LRRK1: variants seen among roughly 807,000 people sequenced by gnomAD.
LRRK1 encodes leucine-rich repeat serine/threonine-protein kinase 1.
LRRK1 carries 113 observed loss-of-function variants against 209.1 expected under a neutral mutation model. The ratio of observed to expected loss-of-function variants is 0.54; its 90% CI spans 0.46 to 0.63. The LOEUF (loss-of-function observed/expected upper bound fraction) is 0.63, where lower values mean the gene tolerates loss of function less well. Ranked by LOEUF, LRRK1 falls within the 30% of genes least tolerant of loss-of-function variation. The pLI is 0.00. For missense variants in LRRK1, 2,284 were observed against 2,632.2 expected (o/e 0.87, Z 2.89); for synonymous variants, 1,144 against 1,099.7 (o/e 1.04, Z -0.80).
In LRRK1 at chr15:101,008,901, T is replaced by G. The variant is rs199863201; in HGVS notation, c.827T>G (p.Ile276Ser). ...PWVDLDWLIDISCQITELDLS... is the reference protein window; with the variant it reads ...PWVDLDWLIDSSCQITELDLS... ...GTAGACCTAGACTGGCTCATAGACA[T>G]CTCCTGCCAGATCACGGAGCTCGAC... The change falls in exon 7 of 34, where the codon ATC (isoleucine) becomes AGC (serine). Residue 276 changes from isoleucine to serine, a missense_variant. Around this residue, in one of 6 missense-constraint regions of LRRK1, gnomAD observed 494 missense variants for 522.1 expected, o/e 0.95. Transcript: ENST00000388948. 1 of 1,614,116 alleles carries G rather than the reference T, an allele frequency of 6.2e-7. No homozygotes were observed. Among genetic ancestry groups the G allele is most frequent in the African/African-American group, 1.3e-5 (1 of 75,026 alleles).
In LRRK1 at chr15:101,074,432, CAGAT is replaced by C. The variant is rs2036911270; in HGVS notation, c.*5587_*5590del. The C allele has an allele frequency of 6.6e-6, 1 of 152,194 alleles. No homozygotes were observed. The highest frequency in any genetic ancestry group is 2.4e-5 in the African/African-American group (1 of 41,432). The allele number at this position is 152,194 out of a possible 1,614,324, so 9.4% of individuals were successfully genotyped here. A position where few individuals can be genotyped will look rare whatever the true frequency, so the allele number is the denominator to read the frequency against. On this transcript the variant is annotated 3_prime_UTR_variant, in exon 34 of 34. Coordinates refer to ENST00000388948, the MANE Select transcript of LRRK1 (RefSeq NM_024652.6). ...ATGCTCCTTTTTCTTTATCCCAAAT[CAGAT>C]AGCGTTTAGGCTCTTTTTCATCAAA...
At chr15:101,067,124 C>G (rs2036575264) in intron 33 of LRRK1, 5 of 386,548 alleles carry the variant, frequency 1.3e-5, no homozygotes, top group South Asian at 9.6e-5. Context: ...CACACAGCAC[C>G]CTATGGGGAC....
chr15:100,981,807 A>T (rs1488093835), intron 3 of LRRK1, among the ~76,000 whole-genome samples: 1 of 152,236 alleles, frequency 6.6e-6, no homozygotes, highest in Non-Finnish European at 1.5e-5. Context: ...GAGAGCTTTG[A>T]TAAATGTTCA....
chr15:100,959,605 C>G (rs1417979363), intron 2 of LRRK1, among the ~76,000 whole-genome samples: 1 of 152,204 alleles, frequency 6.6e-6, no homozygotes, highest in Non-Finnish European at 1.5e-5. Context: ...GGCAGCCTCA[C>G]AGGCACCTGG....
rs1596204665 is a variant in LRRK1, at chr15:100,962,814, T to TATATACAC, written c.98-10985_98-10984insCACATATA. On this transcript the variant is annotated intron_variant, in intron 2 of 33. Transcript: ENST00000388948. The stretch of plus-strand genomic sequence containing the variant: ...TTTTGCATATATATATATATATATA[T>TATATACAC]ATATATATATTTTTTTTTTTTTTTT... 2.7e-4 allele frequency among the ~76,000 whole-genome samples: 9 copies of TATATACAC among 33,914 alleles called. 1 individual carries two copies. The highest frequency in any genetic ancestry group is 5.3e-4 in the Non-Finnish European group (8 of 15,202). 22.2% of individuals were successfully genotyped at this position (33,914 alleles called of 152,430 possible). A position where few individuals can be genotyped will look rare whatever the true frequency, so the allele number is the denominator to read the frequency against.
intron 21 of LRRK1, among the ~76,000 whole-genome samples, chr15:101,046,879 G>A (rs969080555): frequency 3.3e-5 from 5 of 152,206 alleles, no homozygotes; most frequent in African/African-American, 1.2e-4. Context: ...TTAATTTCAT[G>A]CAGGGCAGGA....
At chr15:100,973,049 G>A (rs1041892307) in intron 2 of LRRK1, among the ~76,000 whole-genome samples, 7 of 152,328 alleles carry the variant, frequency 4.6e-5, no homozygotes, top group Non-Finnish European at 1.0e-4. Flanking sequence ...CTCGGGGAGG[G>A]CGAGAGGCCG....
intron 2 of LRRK1, among the ~76,000 whole-genome samples, chr15:100,949,670 G>A (rs952432323): frequency 1.3e-5 from 2 of 151,982 alleles, no homozygotes; most frequent in African/African-American, 2.4e-5. Context: ...AGGATTATAC[G>A]CCATGACCAA....
chr15:100,960,514 G>A (rs1284158133), intron 2 of LRRK1, among the ~76,000 whole-genome samples: 1 of 152,086 alleles, frequency 6.6e-6, no homozygotes, highest in Non-Finnish European at 1.5e-5. Flanking sequence ...CTATTTATGT[G>A]ATTTTTAATT....
At chr15:100,941,260 CTGTG>C (rs1491343908) in intron 2 of LRRK1, among the ~76,000 whole-genome samples, 1 of 72,060 alleles carries the variant, frequency 1.4e-5, no homozygotes, top group African/African-American at 6.5e-5. Flanking sequence ...GTGTGTGTGT[CTGTG>C]TCTCTGTGTG....
chr15:101,018,283 G>C (rs1256509250), intron 12 of LRRK1, among the ~76,000 whole-genome samples: 1 of 151,946 alleles, frequency 6.6e-6, no homozygotes, highest in Non-Finnish European at 1.5e-5. Flanking sequence ...CAAATGAAAA[G>C]GTCCTTAACC....
chr15:100,930,779 C>T (rs1052279141), intron 2 of LRRK1, among the ~76,000 whole-genome samples: 2 of 152,360 alleles, frequency 1.3e-5, no homozygotes, highest in Middle Eastern at 3.4e-3. Flanking sequence ...ATTTTCACCC[C>T]TCCTGGTTTG....
At chr15:101,010,930 C>A in intron 9 of LRRK1, 93 bp downstream of exon 9, 2 of 1,203,548 alleles carry the variant, frequency 1.7e-6, no homozygotes, top group Non-Finnish European at 2.3e-6. Context: ...TCAGTTCATC[C>A]CCTCAGCAGC....
intron 2 of LRRK1, among the ~76,000 whole-genome samples, chr15:100,945,733 T>C (rs1272747805): frequency 6.6e-6 from 1 of 152,134 alleles, no homozygotes; most frequent in Non-Finnish European, 1.5e-5. Flanking sequence ...TCTCAGGTGA[T>C]CCACCTGCCT....
At chr15:101,023,819 AC>A in intron 15 of LRRK1, among the ~76,000 whole-genome samples, 1 of 152,232 alleles carries the variant, frequency 6.6e-6, no homozygotes, top group East Asian at 1.9e-4. Flanking sequence ...TGGGGCCAGA[AC>A]AATCAAACAC....
chr15:100,962,823 A>ATATATATACATATATATATATATTTTTTT, intron 2 of LRRK1, among the ~76,000 whole-genome samples: 1 of 11,544 alleles, frequency 8.7e-5, no homozygotes, highest in East Asian at 1.4e-3. Flanking sequence ...ATATATATAT[A>ATATATATACATATATATATATATTTTTTT]TTTTTTTTTT....
At position 101,022,057 on chromosome 15, in the gene LRRK1, G is replaced by C. The variant is rs2033819843; in HGVS notation, c.1852+100G>C. The stretch of plus-strand genomic sequence containing the variant: ...GGGTGGAGACAGTTGGTGACCCATG[G>C]AGCCCAGCTCCAGGTTCCAGATTTG... On this transcript the variant is annotated intron_variant, in intron 14 of 33. Coordinates refer to ENST00000388948, the MANE Select transcript of LRRK1 (RefSeq NM_024652.6). The surrounding 1 kb of genome is among the most constrained non-coding windows in gnomAD (Gnocchi z 4.0). The C allele has an allele frequency of 1.2e-6, 1 of 817,580 alleles. No homozygotes were observed. The highest frequency in any genetic ancestry group is 1.9e-6 in the Non-Finnish European group (1 of 514,182). The allele number at this position is 817,580 out of a possible 1,614,324, so 50.6% of individuals were successfully genotyped here.
At chr15:101,047,301 C>T (rs937644120) in intron 21 of LRRK1, among the ~76,000 whole-genome samples, 3 of 152,208 alleles carry the variant, frequency 2.0e-5, no homozygotes, top group African/African-American at 7.2e-5. Context: ...CCTGTGCTAG[C>T]GGGGAGGGAG....
chr15:101,023,246 C>T (rs534348067), intron 15 of LRRK1, among the ~76,000 whole-genome samples: 11 of 152,274 alleles, frequency 7.2e-5, no homozygotes, highest in African/African-American at 2.4e-4. Context: ...TCCATCACTG[C>T]TTGAACCCGG....
Sources: allele counts gnomAD v4.1 joint callset (sites outside exome capture counted in the v4.1 genomes callset), GRCh38; gene constraint gnomAD v4.1.1; regional missense constraint gnomAD v4.1.1; non-coding constraint Gnocchi (gnomAD v3.1); transcripts MANE v1.5; gene names NCBI Gene and HGNC (gene_info 2026-07-23, HGNC 2026-07-21).